Variants in UGT1A9 observed in about 807,000 individuals in gnomAD.
UGT1A9 encodes UDP glucuronosyltransferase family 1 member A9.
UGT1A9 carries 35 observed loss-of-function variants against 45.0 expected under a neutral mutation model. That is an observed-to-expected ratio of 0.78 (90% confidence interval 0.59 to 1.03). The LOEUF (loss-of-function observed/expected upper bound fraction) is 1.03. Ranked by LOEUF, UGT1A9 falls within the 50% of genes least tolerant of loss-of-function variation. UGT1A9 has a pLI of 0.00. For missense variants in UGT1A9, 687 were observed against 666.6 expected (o/e 1.03, Z -0.34); for synonymous variants, 278 against 250.6 (o/e 1.11, Z -1.03).
intron 1 of UGT1A9, among the ~76,000 whole-genome samples, chr2:233,746,122 CTG>C: frequency 6.6e-6 from 1 of 151,872 alleles, no homozygotes; most frequent in Non-Finnish European, 1.5e-5. Flanking sequence ...GTCTGCAAAA[CTG>C]TGGACTGGCA....
At chr2:233,720,555 T>C (rs1276086879) in intron 1 of UGT1A9, among the ~76,000 whole-genome samples, 1 of 152,144 alleles carries the variant, frequency 6.6e-6, no homozygotes, top group Non-Finnish European at 1.5e-5. Flanking sequence ...CAAGTTTCTA[T>C]AGTGGGATCT....
chr2:233,682,293 TA>T (rs748312347), intron 1 of UGT1A9: 2 of 1,614,086 alleles, frequency 1.2e-6, no homozygotes, highest in Non-Finnish European at 1.7e-6. Context: ...ATTTTTGACT[TA>T]TTTTTTTCAA....
At chr2:233,691,505 T>G in intron 1 of UGT1A9, 1 of 985,776 alleles carries the variant, frequency 1.0e-6, no homozygotes, top group Non-Finnish European at 1.2e-6. Context: ...GGAACTCGCG[T>G]GCCAGCCAGG....
intron 1 of UGT1A9, chr2:233,756,139 A>G (rs548564023): frequency 6.6e-6 from 1 of 152,240 alleles, no homozygotes; most frequent in Non-Finnish European, 1.5e-5. Flanking sequence ...CTGAAAAATT[A>G]CTGGGGATCC....
intron 1 of UGT1A9, chr2:233,718,669 A>C (rs2076673773): frequency 1.3e-6 from 2 of 1,549,114 alleles, no homozygotes. Context: ...TTATAGATTA[A>C]TGGGTAATAA....
chr2:233,768,231 A>T lies in UGT1A9; in HGVS notation c.1087A>T (p.Thr363Ser). ...PQNDLLGHPM[T>S]RAFITHAGSH... ...ATTTTGCATCTCAGGTCACCCGATG[A>T]CCCGTGCCTTTATCACCCATGCTGG... The change falls in exon 4 of 5, where the codon ACC (threonine) becomes TCC (serine). Residue 363 changes from threonine to serine, a missense_variant. Physicochemically the swap from Thr to Ser is moderately conservative, Grantham distance 58. Coordinates refer to ENST00000354728, the MANE Select transcript of UGT1A9 (RefSeq NM_021027.3). 1 of 1,614,162 alleles carries T rather than the reference A, an allele frequency of 6.2e-7. No individual in the cohort carries two copies. Among genetic ancestry groups the T allele is most frequent in the Middle Eastern group, 1.6e-4 (1 of 6,062 alleles).
Position 233,769,043 on chromosome 2 carries a change from C to T in UGT1A9, c.1295+604C>T, listed in dbSNP as rs1699778649. 6.6e-6 allele frequency among the ~76,000 whole-genome samples: 1 copy of T among 152,118 alleles called. No individual in the cohort carries two copies. The highest frequency in any genetic ancestry group is 1.5e-5 in the Non-Finnish European group (1 of 68,028). On this transcript the variant is annotated intron_variant, in intron 4 of 4. Coordinates refer to ENST00000354728, the MANE Select transcript of UGT1A9 (RefSeq NM_021027.3). This position sits in a 1 kb window ranked among gnomAD's most constrained non-coding sequence, Gnocchi z 4.4. ...AAAGTTGCCATAATAGACATCTGATCCATAAGTTTCCTGCACAGAAAGAAA... is the reference window on the plus strand; with the variant it reads ...AAAGTTGCCATAATAGACATCTGATTCATAAGTTTCCTGCACAGAAAGAAA...
At chr2:233,673,011 T>C (rs1219183461) in intron 1 of UGT1A9, among the ~76,000 whole-genome samples, 1 of 152,214 alleles carries the variant, frequency 6.6e-6, no homozygotes, top group Non-Finnish European at 1.5e-5. Flanking sequence ...TTGTGGAACA[T>C]ATTCAGCCTA....
chr2:233,710,549 C>T (rs2076136542), intron 1 of UGT1A9, among the ~76,000 whole-genome samples: 1 of 152,072 alleles, frequency 6.6e-6, no homozygotes. Flanking sequence ...GATCATATGC[C>T]TGTTTTCTTT....
intron 1 of UGT1A9, among the ~76,000 whole-genome samples, chr2:233,733,067 T>G (rs1039618890): frequency 2.0e-5 from 3 of 152,180 alleles, no homozygotes; most frequent in Non-Finnish European, 4.4e-5. Flanking sequence ...ATTCTCTTTG[T>G]AGCAATTGTG....
intron 1 of UGT1A9, chr2:233,681,788 T>G: frequency 1.4e-6 from 2 of 1,455,446 alleles, no homozygotes; most frequent in Non-Finnish European, 9.1e-7. Context: ...TTATTATGAG[T>G]AAATCATTGG....
At chr2:233,760,184 G>A in intron 1 of UGT1A9, 1 of 1,553,564 alleles carries the variant, frequency 6.4e-7, no homozygotes, top group Non-Finnish European at 8.7e-7. Flanking sequence ...GCTTTTTATA[G>A]TCACGTGACA....
At chr2:233,742,375 GC>G (rs1691959490) in intron 1 of UGT1A9, among the ~76,000 whole-genome samples, 1 of 151,984 alleles carries the variant, frequency 6.6e-6, no homozygotes, top group Non-Finnish European at 1.5e-5. Flanking sequence ...TGTCCTTAAG[GC>G]ACAGATGGCT....
At chr2:233,692,429 G>A (rs1575447232) in intron 1 of UGT1A9, 1 of 155,914 alleles carries the variant, frequency 6.4e-6, no homozygotes, top group East Asian at 1.9e-4. Flanking sequence ...TCAGACAGAA[G>A]TTGTGGGTAA....
Position 233,772,749 on chromosome 2 carries a change from G to C in UGT1A9, c.*190G>C. 7.0e-7 allele frequency: 1 copy of C among 1,420,230 alleles called. No homozygotes were observed. Among genetic ancestry groups the C allele is most frequent in the East Asian group, 2.5e-5 (1 of 40,006 alleles). 88.0% of individuals were successfully genotyped at this position (1,420,230 alleles called of 1,614,324 possible). Reference sequence around the variant, plus strand: ...GACTCGCTAGTCAGTAAAGATATTTGAATATGTATCGTGCCCCCTCTGGTG... The same window carrying C: ...GACTCGCTAGTCAGTAAAGATATTTCAATATGTATCGTGCCCCCTCTGGTG... On this transcript the variant is annotated 3_prime_UTR_variant, in exon 5 of 5. Coordinates refer to ENST00000354728, the MANE Select transcript of UGT1A9 (RefSeq NM_021027.3).
Position 233,768,374 on chromosome 2 carries a change from G to T in UGT1A9, c.1230G>T (p.Leu410=). Residue 410 remains leucine, a synonymous_variant, in exon 4 of 5, where the codon CTG becomes CTT. Transcript: ENST00000354728. ...AGACTAAGGGAGCTGGAGTGACCCT[G>T]AATGTTCTGGAAATGACTTCTGAAG... ...RMETKGAGVT[L]NVLEMTSEDL... 3 of 1,614,148 alleles carry T rather than the reference G, an allele frequency of 1.9e-6. No individual in the cohort carries two copies. The highest frequency in any genetic ancestry group is 2.5e-6 in the Non-Finnish European group (3 of 1,180,028).
chr2:233,704,198 A>G (rs1008604482), intron 1 of UGT1A9, among the ~76,000 whole-genome samples: 1 of 137,780 alleles, frequency 7.3e-6, no homozygotes, highest in Non-Finnish European at 1.6e-5. Flanking sequence ...GCCCCATTTT[A>G]CTTTTTATGC....
intron 1 of UGT1A9, among the ~76,000 whole-genome samples, chr2:233,748,510 G>A (rs1250005538): frequency 1.3e-5 from 2 of 151,856 alleles, no homozygotes; most frequent in Non-Finnish European, 2.9e-5. Context: ...TAGTGGTCCT[G>A]TCTTGCGAAT....
chr2:233,764,964 G>A (rs1018241082), intron 1 of UGT1A9, among the ~76,000 whole-genome samples: 15 of 152,140 alleles, frequency 9.9e-5, no homozygotes, highest in Non-Finnish European at 2.9e-5. Context: ...CTCACCTTGG[G>A]AGAAGGATGG....
Sources: allele counts gnomAD v4.1 joint callset (sites outside exome capture counted in the v4.1 genomes callset), GRCh38; gene constraint gnomAD v4.1.1; non-coding constraint Gnocchi (gnomAD v3.1); transcripts MANE v1.5; gene names NCBI Gene and HGNC (gene_info 2026-07-23, HGNC 2026-07-21).